Variants in SAMD3 observed in about 807,000 individuals in gnomAD.
The protein encoded by SAMD3 is sterile alpha motif domain containing 3.
SAMD3 carries 63 observed loss-of-function variants against 58.5 expected under a neutral mutation model. The observed-to-expected ratio is 1.08, with a 90% CI of 0.88 to 1.33. The LOEUF is 1.33. SAMD3 is among the 40% of genes most tolerant of loss of function. SAMD3 has a pLI of 0.00. For missense variants in SAMD3, 604 were observed against 608.4 expected, an observed-to-expected ratio of 0.99 and a Z score of 0.08; for synonymous variants, 220 against 210.3, an observed-to-expected ratio of 1.05 and a Z score of -0.40.
rs537480310 is a variant in SAMD3, at chr6:130,316,919, T to C, written c.-303-3826A>G. On this transcript the variant is annotated intron_variant, in intron 1 of 13. Transcript: ENST00000368134. ...AAAATATTGTAAACCTGTATTATTA[T>C]CATTCCCATTTTCTTGACCACAAAA... is the stretch of plus-strand genomic sequence containing the variant. 2.0e-5 allele frequency among the ~76,000 whole-genome samples: 3 copies of C among 152,318 alleles called. No individual in the cohort carries two copies. The South Asian group carries it at 6.2e-4, about 32-fold the overall frequency.
At chr6:130,329,065 TTATC>T (rs1324203510) in intron 1 of SAMD3, among the ~76,000 whole-genome samples, 1 of 151,846 alleles carries the variant, frequency 6.6e-6, no homozygotes, top group East Asian at 1.9e-4. Context: ...TCTCTCTCTC[TTATC>T]TATCACCTAT....
intron 2 of SAMD3, among the ~76,000 whole-genome samples, chr6:130,285,241 A>C (rs1201719067): frequency 6.6e-6 from 1 of 152,226 alleles, no homozygotes; most frequent in East Asian, 1.9e-4. Flanking sequence ...TGAAAGATAC[A>C]TTTGGCAGTT....
chr6:130,144,720 T>G lies in SAMD3; in HGVS notation c.1363A>C (p.Arg455=), dbSNP rs1324118212. The G allele has an allele frequency of 5.6e-6, 9 of 1,614,030 alleles. No homozygotes were observed. The highest frequency in any genetic ancestry group is 1.6e-4 in the Middle Eastern group (1 of 6,062). ...CEFSLYLERE[R]LTKVDDCVTA... ...ACACAGTCGTCCACCTTTGTGAGCC[T>G]CTCCCTTTCTAAATATAAAGAAAAT... Residue 455 remains arginine, a synonymous_variant, in exon 12 of 12, where the codon AGG becomes CGG. Coordinates refer to ENST00000439090, the MANE Select transcript of SAMD3 (RefSeq NM_001017373.4).
At chr6:130,215,784 T>G (rs1654601549) in intron 2 of SAMD3, 1 of 1,530,484 alleles carries the variant, frequency 6.5e-7, no homozygotes, top group African/African-American at 1.4e-5. Flanking sequence ...AACCCCTTAG[T>G]AGACTGGTTA....
chr6:130,314,037 A>G (rs1290122930), intron 1 of SAMD3, among the ~76,000 whole-genome samples: 1 of 152,232 alleles, frequency 6.6e-6, no homozygotes, highest in Non-Finnish European at 1.5e-5. Context: ...GAGCAATAGT[A>G]AACATGTGTG....
At chr6:130,204,765 C>CTTTT (rs112982780) in intron 5 of SAMD3, among the ~76,000 whole-genome samples, 1 of 126,708 alleles carries the variant, frequency 7.9e-6, no homozygotes, top group Non-Finnish European at 1.6e-5. Flanking sequence ...ATTTCCAGGC[C>CTTTT]TTTTTTTTTT....
chr6:130,146,611 A>G (rs75632428), intron 9 of SAMD3, among the ~76,000 whole-genome samples: 2,058 of 152,322 alleles, frequency 0.014, 52 homozygotes, highest in African/African-American at 0.046. Context: ...CAAATACTTA[A>G]CCATAGTATC....
intron 2 of SAMD3, among the ~76,000 whole-genome samples, chr6:130,244,737 CAA>C (rs869081527): frequency 8.4e-6 from 1 of 118,756 alleles, no homozygotes. Context: ...GAGCCTGTCT[CAA>C]AAAAAAAATA....
chr6:130,342,566 C>T (rs1777305144), intron 1 of SAMD3, among the ~76,000 whole-genome samples: 1 of 152,004 alleles, frequency 6.6e-6, no homozygotes, highest in African/African-American at 2.4e-5. Flanking sequence ...AATTTCTCTT[C>T]TTTAAAAAAC....
intron 1 of SAMD3, among the ~76,000 whole-genome samples, chr6:130,318,572 G>A (rs1776471481): frequency 1.3e-5 from 2 of 151,550 alleles, no homozygotes; most frequent in South Asian, 4.2e-4. Context: ...GGGATTACAG[G>A]CACACGCCAC....
At chr6:130,196,615 G>A (rs200160172) in intron 5 of SAMD3, among the ~76,000 whole-genome samples, 1 of 152,020 alleles carries the variant, frequency 6.6e-6, no homozygotes, top group South Asian at 2.1e-4. Context: ...CCTTTCCATC[G>A]TGGAAATCTA....
chr6:130,303,436 A>C (rs1775816963), intron 2 of SAMD3, among the ~76,000 whole-genome samples: 1 of 152,212 alleles, frequency 6.6e-6, no homozygotes, highest in African/African-American at 2.4e-5. Context: ...ACTTAAACTT[A>C]ACATGGCCAA....
At chr6:130,282,283 A>C (rs1775008501) in intron 2 of SAMD3, among the ~76,000 whole-genome samples, 1 of 152,206 alleles carries the variant, frequency 6.6e-6, no homozygotes, top group African/African-American at 2.4e-5. Flanking sequence ...AAGAGATGGT[A>C]GTCTTAAGGA....
intron 5 of SAMD3, among the ~76,000 whole-genome samples, chr6:130,195,794 G>A (rs537806885): frequency 3.9e-5 from 6 of 152,110 alleles, no homozygotes; most frequent in Admixed American, 2.0e-4. Flanking sequence ...AAAAACACAC[G>A]TGCTCTCCCT....
intron 4 of SAMD3, among the ~76,000 whole-genome samples, chr6:130,214,062 T>C (rs1370498535): frequency 6.6e-6 from 1 of 152,196 alleles, no homozygotes; most frequent in African/African-American, 2.4e-5. Flanking sequence ...ACATACCTAT[T>C]TCACCTGCTT....
chr6:130,336,564 T>C (rs988582808), intron 1 of SAMD3, among the ~76,000 whole-genome samples: 2 of 152,218 alleles, frequency 1.3e-5, no homozygotes, highest in Admixed American at 1.3e-4. Flanking sequence ...GTGTTTCCCA[T>C]AAGAGTGAAA....
At chr6:130,212,054 G>A (rs1017938367) in intron 4 of SAMD3, among the ~76,000 whole-genome samples, 1 of 151,546 alleles carries the variant, frequency 6.6e-6, no homozygotes, top group African/African-American at 2.4e-5. Context: ...CATAAGAGGG[G>A]GTTAAAATCA....
chr6:130,283,709 T>C (rs1409149731), intron 2 of SAMD3, among the ~76,000 whole-genome samples: 1 of 152,204 alleles, frequency 6.6e-6, no homozygotes, highest in Non-Finnish European at 1.5e-5. Context: ...TAAGAGTATT[T>C]ACCACTTTCA....
chr6:130,197,697 G>A (rs745314939), intron 5 of SAMD3, among the ~76,000 whole-genome samples: 6 of 151,838 alleles, frequency 4.0e-5, no homozygotes, highest in Non-Finnish European at 8.8e-5. Flanking sequence ...CCCTAATCCC[G>A]CTCGAAGCAG....
Sources: gnomAD v4.1 joint callset for allele counts (sites outside exome capture counted in the v4.1 genomes callset) on GRCh38, gnomAD v4.1.1 for gene constraint, MANE v1.5 for transcripts, NCBI Gene and HGNC (gene_info 2026-07-23, HGNC 2026-07-21) for gene names.